Variants in ANK3 observed in about 807,000 individuals in gnomAD.
ANK3 encodes the protein ankyrin 3.
ANK3 carries 57 observed loss-of-function variants against 370.9 expected under a neutral mutation model. The ratio of observed to expected loss-of-function variants is 0.15; its 90% CI spans 0.12 to 0.19. ANK3 has a LOEUF of 0.19. Ranked by LOEUF, ANK3 falls within the 10% of genes least tolerant of loss-of-function variation. The probability of loss-of-function intolerance (pLI) is 1.00; values close to 1 mark genes in which losing one functional copy is unlikely to be tolerated. For missense variants in ANK3, 4,439 were observed against 5,302.1 expected (o/e 0.84, Z 5.06); for synonymous variants, 1,929 against 1,946.3 (o/e 0.99, Z 0.23).
intron 1 of ANK3, among the ~76,000 whole-genome samples, chr10:60,363,754 GAAC>G: frequency 6.6e-6 from 1 of 152,182 alleles, no homozygotes; most frequent in Non-Finnish European, 1.5e-5. Flanking sequence ...ATGAATCACA[GAAC>G]AAAAGAGTAA....
chr10:60,422,251 CA>C (rs1267384471), intron 2 of ANK3, among the ~76,000 whole-genome samples: 2 of 152,134 alleles, frequency 1.3e-5, no homozygotes, highest in Non-Finnish European at 2.9e-5. Flanking sequence ...TAAAAAGCCA[CA>C]AGGAACAAAA....
chr10:60,253,266 T>A (rs1027439025), intron 7 of ANK3, among the ~76,000 whole-genome samples: 1 of 152,154 alleles, frequency 6.6e-6, no homozygotes, highest in Non-Finnish European at 1.5e-5. Context: ...TTGGCTAAAA[T>A]AACTGTAGGC....
intron 2 of ANK3, chr10:60,508,570 G>A (rs1428465114): frequency 6.6e-6 from 1 of 152,664 alleles, no homozygotes; most frequent in Admixed American, 6.6e-5. Context: ...ATGGCAACAT[G>A]AGTAAGAGCC....
intron 1 of ANK3, among the ~76,000 whole-genome samples, chr10:60,674,025 G>A (rs2079094380): frequency 6.6e-6 from 1 of 152,064 alleles, no homozygotes; most frequent in Non-Finnish European, 1.5e-5. Flanking sequence ...AAAGCCTACT[G>A]GAGCCATAAA....
chr10:60,142,031 T>G (rs1201203238), intron 23 of ANK3, among the ~76,000 whole-genome samples: 1 of 152,206 alleles, frequency 6.6e-6, no homozygotes, highest in Non-Finnish European at 1.5e-5. Context: ...ACTTTTTAAG[T>G]CTGTATTTCG....
At chr10:60,412,256 CAGT>C (rs1202362626) in intron 2 of ANK3, among the ~76,000 whole-genome samples, 1 of 152,112 alleles carries the variant, frequency 6.6e-6, no homozygotes, top group African/African-American at 2.4e-5. Context: ...TCTATGGACT[CAGT>C]AGCGTAGATT....
intron 2 of ANK3, among the ~76,000 whole-genome samples, chr10:60,613,777 T>A (rs1179631555): frequency 6.6e-6 from 1 of 152,098 alleles, no homozygotes; most frequent in Admixed American, 6.5e-5. Context: ...AAAATCATTT[T>A]AGGAAGACAA....
chr10:60,430,031 T>C (rs186900092), intron 2 of ANK3, among the ~76,000 whole-genome samples: 2 of 152,364 alleles, frequency 1.3e-5, no homozygotes, highest in African/African-American at 4.8e-5. Flanking sequence ...TATATACAAG[T>C]AGTAAACAAT....
intron 18 of ANK3, among the ~76,000 whole-genome samples, chr10:60,179,783 T>G (rs1207332027): frequency 6.6e-6 from 1 of 151,874 alleles, no homozygotes; most frequent in Non-Finnish European, 1.5e-5. Flanking sequence ...AGGGGCTGTG[T>G]GTGCAAATGG....
intron 1 of ANK3, among the ~76,000 whole-genome samples, chr10:60,371,985 G>A (rs1458723970): frequency 6.6e-6 from 1 of 152,102 alleles, no homozygotes; most frequent in Non-Finnish European, 1.5e-5. Context: ...TAAGTGTGAG[G>A]CATAAGGTAA....
At chr10:60,150,979 C>G (rs1009074934) in intron 23 of ANK3, among the ~76,000 whole-genome samples, 8 of 152,046 alleles carry the variant, frequency 5.3e-5, no homozygotes, top group African/African-American at 1.7e-4. Flanking sequence ...ACTGTGTGAA[C>G]GTGAGCAAAT....
At chr10:60,030,023 GAC>G (rs1179592383) in intron 43 of ANK3, among the ~76,000 whole-genome samples, 197 bp from the exon 44 acceptor site, 1 of 151,530 alleles carries the variant, frequency 6.6e-6, no homozygotes, top group Non-Finnish European at 1.5e-5. Flanking sequence ...TGCCTTAGAG[GAC>G]AAGGCCCTAA....
intron 1 of ANK3, among the ~76,000 whole-genome samples, chr10:60,730,992 T>C (rs1167925812): frequency 2.0e-5 from 3 of 152,232 alleles, no homozygotes; most frequent in Admixed American, 2.0e-4. Flanking sequence ...TAGAATTTTA[T>C]ATAATCTCCA....
At chr10:60,057,128 C>T (rs1044194790) in intron 41 of ANK3, among the ~76,000 whole-genome samples, 1 of 152,174 alleles carries the variant, frequency 6.6e-6, no homozygotes, top group Non-Finnish European at 1.5e-5. Flanking sequence ...TTTTCCAACT[C>T]TAATACCTTT....
intron 2 of ANK3, among the ~76,000 whole-genome samples, chr10:60,614,755 T>C (rs1225546456): frequency 6.6e-6 from 1 of 152,204 alleles, no homozygotes; most frequent in Non-Finnish European, 1.5e-5. Context: ...GAAGCAAACA[T>C]CTGATCATAA....
At chr10:60,725,194 T>A (rs2079924012) in intron 1 of ANK3, among the ~76,000 whole-genome samples, 1 of 152,208 alleles carries the variant, frequency 6.6e-6, no homozygotes, top group South Asian at 2.1e-4. Context: ...AAGCACTATA[T>A]TCTTAAAATC....
chr10:60,528,688 G>A (rs144749975), intron 2 of ANK3, among the ~76,000 whole-genome samples: 2 of 152,114 alleles, frequency 1.3e-5, no homozygotes, highest in African/African-American at 4.8e-5. Context: ...GTGGGGTGAT[G>A]CCCTGTGCAT....
chr10:60,545,128 A>G (rs2076934516), intron 2 of ANK3, among the ~76,000 whole-genome samples: 2 of 33,006 alleles, frequency 6.1e-5, no homozygotes, highest in Admixed American at 5.9e-4. Context: ...TGATGATGCT[A>G]GGGTGGGAAG....
chr10:60,377,982 C>T (rs1373736213), intron 1 of ANK3, among the ~76,000 whole-genome samples: 2 of 152,176 alleles, frequency 1.3e-5, no homozygotes, highest in African/African-American at 4.8e-5. Context: ...GGTTTGCTAG[C>T]AAAGTCTAAA....
Sources: allele counts gnomAD v4.1 joint callset (sites outside exome capture counted in the v4.1 genomes callset), GRCh38; gene constraint gnomAD v4.1.1; transcripts MANE v1.5; gene names NCBI Gene and HGNC (gene_info 2026-07-23, HGNC 2026-07-21).